Variants in MAD1L1 observed in about 807,000 individuals in gnomAD.
MAD1L1 encodes the protein mitotic spindle assembly checkpoint protein MAD1.
In MAD1L1, 95 loss-of-function variants were observed where a neutral mutation model predicts 96.9. The observed-to-expected ratio is 0.98, with a 90% CI of 0.83 to 1.16. The LOEUF (loss-of-function observed/expected upper bound fraction) is 1.16. MAD1L1 is among the 50% of genes most tolerant of loss of function. The probability of loss-of-function intolerance (pLI) is 0.00; values close to 1 mark genes in which losing one functional copy is unlikely to be tolerated. For missense variants in MAD1L1, 1,007 were observed against 954.4 expected, an observed-to-expected ratio of 1.06 and a Z score of -0.73; for synonymous variants, 473 against 396.6, an observed-to-expected ratio of 1.19 and a Z score of -2.29.
At chr7:1,886,300 G>A (rs114030919) in intron 18 of MAD1L1, among the ~76,000 whole-genome samples, 1,626 of 152,324 alleles carry the variant, frequency 0.011, 30 homozygotes, top group African/African-American at 0.036. Context: ...TGGTGGGCTG[G>A]CAGATATGCC....
chr7:1,852,237 C>T (rs1175799238), intron 18 of MAD1L1, among the ~76,000 whole-genome samples: 1 of 152,184 alleles, frequency 6.6e-6, no homozygotes, highest in Non-Finnish European at 1.5e-5. Context: ...GCGAGAGGCA[C>T]CGTTTGGGCA....
chr7:2,054,342 G>A (rs987700177), intron 12 of MAD1L1, among the ~76,000 whole-genome samples: 7 of 152,150 alleles, frequency 4.6e-5, no homozygotes, highest in African/African-American at 9.7e-5. Flanking sequence ...TGGTGGAGGC[G>A]GTCCACGCTC....
In MAD1L1 at chr7:1,905,011, T is replaced by C. The variant is rs1325455465; in HGVS notation, c.1808-6621A>G. Among the ~76,000 whole-genome samples, 5 of 87,896 alleles carry C rather than the reference T, an allele frequency of 5.7e-5. 2 individuals carry two copies. Among genetic ancestry groups the C allele is most frequent in the African/African-American group, 2.2e-4 (5 of 22,352 alleles). 57.7% of individuals were successfully genotyped at this position (87,896 alleles called of 152,430 possible). ...GAAGACGCTCTTGAGGAACTCATGA[T>C]TGATAAAGCACTGTTCCAGGCAGCA... On this transcript the variant is annotated intron_variant, in intron 17 of 18. Transcript: ENST00000265854.
At chr7:1,878,396 A>C (rs1785495106) in intron 18 of MAD1L1, among the ~76,000 whole-genome samples, 1 of 152,212 alleles carries the variant, frequency 6.6e-6, no homozygotes, top group South Asian at 2.1e-4. Context: ...GCACAAGATC[A>C]TAGATGCAAA....
At position 2,142,525 on chromosome 7, in the gene MAD1L1, C is replaced by T. The variant is rs1789090052; in HGVS notation, c.1073+6627G>A. On this transcript the variant is annotated intron_variant, in intron 11 of 18. Transcript: ENST00000265854. This position sits in a 1 kb window ranked among gnomAD's most constrained non-coding sequence, Gnocchi z 4.7. ...GGGTTCTCTGCTGCCGGACGGAGCG[C>T]CCCTAGCTGCCACTGAGCCCACGGT... is the stretch of plus-strand genomic sequence containing the variant. 6.6e-6 allele frequency among the ~76,000 whole-genome samples: 1 copy of T among 152,246 alleles called. No individual in the cohort carries two copies.
chr7:2,169,301 G>A (rs1291445763), intron 10 of MAD1L1, among the ~76,000 whole-genome samples: 2 of 152,176 alleles, frequency 1.3e-5, no homozygotes, highest in African/African-American at 2.4e-5. Flanking sequence ...GTGGGATTAC[G>A]GGGGATTGGC....
chr7:1,977,055 G>A (rs1441773273), intron 15 of MAD1L1, among the ~76,000 whole-genome samples: 1 of 152,280 alleles, frequency 6.6e-6, no homozygotes. Context: ...GCTTCCGACA[G>A]TGGATCCCAC....
chr7:1,996,035 G>A (rs186414656), intron 14 of MAD1L1, among the ~76,000 whole-genome samples: 2 of 152,346 alleles, frequency 1.3e-5, no homozygotes, highest in African/African-American at 2.4e-5. Context: ...CAGCACTGAC[G>A]AGGGGCTCAC....
chr7:1,850,157 C>T (rs1583552533), intron 18 of MAD1L1, among the ~76,000 whole-genome samples: 2 of 152,170 alleles, frequency 1.3e-5, no homozygotes, highest in African/African-American at 2.4e-5. Flanking sequence ...GCCGGGGCAG[C>T]GGCTTCCCCT....
chr7:1,978,965 G>A (rs1780771544), intron 15 of MAD1L1, among the ~76,000 whole-genome samples: 1 of 152,256 alleles, frequency 6.6e-6, no homozygotes, highest in African/African-American at 2.4e-5. Context: ...GCCCATGCAT[G>A]AGGAATGCTT....
intron 10 of MAD1L1, among the ~76,000 whole-genome samples, chr7:2,188,354 G>A (rs577766454): frequency 6.6e-6 from 1 of 152,256 alleles, no homozygotes; most frequent in East Asian, 1.9e-4. Context: ...AATTCATATG[G>A]AATCTCAAGG....
intron 12 of MAD1L1, among the ~76,000 whole-genome samples, chr7:2,065,665 G>A (rs1032836548): frequency 6.6e-6 from 1 of 152,126 alleles, no homozygotes; most frequent in Non-Finnish European, 1.5e-5. Context: ...CCCAGTGTGC[G>A]GGTTCCCAGG....
intron 18 of MAD1L1, among the ~76,000 whole-genome samples, chr7:1,821,694 C>A (rs192666351): frequency 6.6e-6 from 1 of 152,294 alleles, no homozygotes; most frequent in Admixed American, 6.5e-5. Context: ...ATGATATGAT[C>A]CTATTGGCAC....
intron 11 of MAD1L1, among the ~76,000 whole-genome samples, chr7:2,073,125 C>CA (rs1785215994): frequency 6.6e-6 from 1 of 152,196 alleles, no homozygotes; most frequent in Non-Finnish European, 1.5e-5. Context: ...GGCAGGACGG[C>CA]AGGCACCGAG....
chr7:1,816,652 TGTGCA>T (rs1216873916), intron 18 of MAD1L1, among the ~76,000 whole-genome samples: 1 of 151,984 alleles, frequency 6.6e-6, no homozygotes, highest in Non-Finnish European at 1.5e-5. Context: ...TTTCCCCACT[TGTGCA>T]GGGGGGCGCT....
At chr7:2,106,166 C>T (rs1787087776) in intron 11 of MAD1L1, among the ~76,000 whole-genome samples, 1 of 151,984 alleles carries the variant, frequency 6.6e-6, no homozygotes, top group South Asian at 2.1e-4. Context: ...GCCCTTGCCC[C>T]ATTACGCCTA....
At chr7:1,871,796 T>C (rs937687137) in intron 18 of MAD1L1, among the ~76,000 whole-genome samples, 1 of 152,158 alleles carries the variant, frequency 6.6e-6, no homozygotes, top group Non-Finnish European at 1.5e-5. Flanking sequence ...CTCCTGCACC[T>C]GTGATGGCGG....
intron 18 of MAD1L1, among the ~76,000 whole-genome samples, chr7:1,883,864 C>T (rs1029598620): frequency 3.3e-5 from 5 of 152,192 alleles, no homozygotes; most frequent in Admixed American, 6.5e-5. Context: ...GCAGGAGCCT[C>T]GAGCGAAGCT....
Position 2,119,128 on chromosome 7 carries a change from C to T in MAD1L1, c.1073+30024G>A, listed in dbSNP as rs531265347. 3.7e-4 allele frequency among the ~76,000 whole-genome samples: 56 copies of T among 152,190 alleles called. No individual in the cohort carries two copies. The highest frequency in any genetic ancestry group is 9.8e-4 in the Admixed American group (15 of 15,286). On this transcript the variant is annotated intron_variant, in intron 11 of 18. Coordinates refer to ENST00000265854, the MANE Select transcript of MAD1L1 (RefSeq NM_001013836.2). The surrounding 1 kb of genome is among the most constrained non-coding windows in gnomAD (Gnocchi z 4.6). ...TGCTGCCCGGTGCTCTTGGTGAAGC[C>T]GTGTTTCCACAAAGCAAGAAGGTTC...
Sources: allele counts gnomAD v4.1 joint callset (sites outside exome capture counted in the v4.1 genomes callset), GRCh38; gene constraint gnomAD v4.1.1; non-coding constraint Gnocchi (gnomAD v3.1); transcripts MANE v1.5; gene names NCBI Gene and HGNC (gene_info 2026-07-23, HGNC 2026-07-21).